Variants in SCML4 observed in about 807,000 individuals in gnomAD.
The protein encoded by SCML4 is sex comb on midleg-like protein 4.
In SCML4, 34 loss-of-function variants were observed where a neutral mutation model predicts 41.1. The observed-to-expected ratio is 0.83, with a 90% confidence interval of 0.63 to 1.10. The LOEUF (loss-of-function observed/expected upper bound fraction) is 1.10, where lower values mean the gene tolerates loss of function less well. Ranked by LOEUF, SCML4 falls within the 50% of genes least tolerant of loss-of-function variation. The pLI, the probability that SCML4 is intolerant of heterozygous loss-of-function variation, is 0.00. For synonymous variants in SCML4, 214 were observed against 220.9 expected, an observed-to-expected ratio of 0.97 and a Z score of 0.28; for missense variants, 522 against 534.1, an observed-to-expected ratio of 0.98 and a Z score of 0.22.
At chr6:107,820,630 A>G (rs1199223758) in intron 1 of SCML4, among the ~76,000 whole-genome samples, 6 of 152,208 alleles carry the variant, frequency 3.9e-5, no homozygotes, top group African/African-American at 9.7e-5. Context: ...AACATGAAGG[A>G]GTGAGCCCTT....
intron 5 of SCML4, among the ~76,000 whole-genome samples, chr6:107,735,036 T>C (rs1776919905): frequency 6.6e-6 from 1 of 152,080 alleles, no homozygotes; most frequent in African/African-American, 2.4e-5. Flanking sequence ...CCACCACACC[T>C]GGCTAAGTTT....
intron 1 of SCML4, among the ~76,000 whole-genome samples, chr6:107,786,843 A>G (rs1781932012): frequency 6.6e-6 from 1 of 152,218 alleles, no homozygotes; most frequent in African/African-American, 2.4e-5. Flanking sequence ...TCCAACAACA[A>G]GGCCACTGCA....
chr6:107,754,321 A>C (rs927817101), intron 2 of SCML4, among the ~76,000 whole-genome samples: 2 of 152,246 alleles, frequency 1.3e-5, no homozygotes, highest in Admixed American at 1.3e-4. Flanking sequence ...AAGAAACCTC[A>C]GTCATGGGAA....
intron 1 of SCML4, among the ~76,000 whole-genome samples, chr6:107,783,994 G>C (rs1781695163): frequency 6.6e-6 from 1 of 152,164 alleles, no homozygotes; most frequent in Admixed American, 6.5e-5. Flanking sequence ...GCTTAGGGGT[G>C]GTTGCAGCTG....
intron 6 of SCML4, among the ~76,000 whole-genome samples, chr6:107,716,665 G>A (rs1756448414): frequency 6.6e-6 from 1 of 152,158 alleles, no homozygotes; most frequent in African/African-American, 2.4e-5. Flanking sequence ...GAGGAAAAAG[G>A]AGGGAGTGAG....
At position 107,720,380 on chromosome 6, in the gene SCML4, T is replaced by C. The variant is rs965537663; in HGVS notation, c.973+323A>G. ...AAAATAGATGGAGCCTATGTCCCTA[T>C]ATTGAGATGCATCCATGAATCAGGA... On this transcript the variant is annotated intron_variant, in intron 6 of 7. Transcript: ENST00000369020. 5.8e-6 allele frequency: 6 copies of C among 1,033,122 alleles called. No individual in the cohort carries two copies. The African/African-American group carries it at 1.0e-4, about 18-fold the overall frequency. 64.0% of individuals were successfully genotyped at this position (1,033,122 alleles called of 1,614,324 possible). A position where few individuals can be genotyped will look rare whatever the true frequency, so the allele number is the denominator to read the frequency against.
intron 5 of SCML4, among the ~76,000 whole-genome samples, chr6:107,727,627 G>A (rs563061700): frequency 1.6e-3 from 251 of 152,342 alleles, no homozygotes; most frequent in African/African-American, 5.8e-3. Flanking sequence ...CAGGACCCTG[G>A]AACGCTACAT....
intron 5 of SCML4, among the ~76,000 whole-genome samples, chr6:107,735,464 T>C (rs1027293789): frequency 1.3e-5 from 2 of 152,018 alleles, no homozygotes; most frequent in African/African-American, 4.8e-5. Context: ...AGTTCTGTTT[T>C]TTTTTCTTCA....
chr6:107,757,007 T>C lies in SCML4; in HGVS notation c.157-7194A>G, dbSNP rs373917468. On this transcript the variant is annotated intron_variant, in intron 2 of 7. Coordinates refer to ENST00000369020, the MANE Select transcript of SCML4 (RefSeq NM_198081.5). ...ATTCAAAACCTCAACCCAGCAGGTG[T>C]GGCGACCCCTCATCCAAGGCAAGGT... is the stretch of plus-strand genomic sequence containing the variant. Among the ~76,000 whole-genome samples, 118 of 152,314 alleles carry C rather than the reference T, an allele frequency of 7.7e-4. 1 individual carries two copies. Among genetic ancestry groups the C allele is most frequent in the Middle Eastern group, 3.4e-3 (1 of 294 alleles).
upstream of SCML4, among the ~76,000 whole-genome samples, chr6:107,825,120 T>C (rs894129461): frequency 6.6e-6 from 1 of 152,248 alleles, no homozygotes; most frequent in East Asian, 1.9e-4. Context: ...CAAATCAATA[T>C]ATATCGGCGA....
upstream of SCML4, among the ~76,000 whole-genome samples, chr6:107,828,353 T>C (rs1282859238): frequency 1.3e-5 from 2 of 152,234 alleles, no homozygotes; most frequent in East Asian, 1.9e-4. Context: ...TGGTCACTTA[T>C]GGCTCTGACA....
At chr6:107,764,722 A>G (rs918255858) in intron 2 of SCML4, among the ~76,000 whole-genome samples, 1 of 152,196 alleles carries the variant, frequency 6.6e-6, no homozygotes, top group Non-Finnish European at 1.5e-5. Flanking sequence ...CCCCACCCAA[A>G]TCTCATCTTG....
chr6:107,818,644 C>G (rs1487659587), intron 1 of SCML4, among the ~76,000 whole-genome samples: 3 of 152,190 alleles, frequency 2.0e-5, no homozygotes, highest in Non-Finnish European at 4.4e-5. Context: ...AATGGTTAGG[C>G]CCAAAGGAAT....
intron 2 of SCML4, among the ~76,000 whole-genome samples, chr6:107,750,859 G>A (rs1031800914): frequency 6.6e-6 from 1 of 152,184 alleles, no homozygotes; most frequent in Non-Finnish European, 1.5e-5. Context: ...ACCACACTTC[G>A]AGTAGCAAGG....
At chr6:107,803,089 C>A (rs1361332321) in intron 1 of SCML4, among the ~76,000 whole-genome samples, 2 of 151,902 alleles carry the variant, frequency 1.3e-5, no homozygotes, top group Admixed American at 6.6e-5. Context: ...GATCTCGGCT[C>A]GCTACAACTT....
intron 2 of SCML4, among the ~76,000 whole-genome samples, chr6:107,759,185 G>T (rs1779363223): frequency 6.6e-6 from 1 of 151,024 alleles, no homozygotes; most frequent in Non-Finnish European, 1.5e-5. Flanking sequence ...AAAAAAACTG[G>T]CTGGGTGTGG....
intron 1 of SCML4, among the ~76,000 whole-genome samples, chr6:107,817,712 C>G (rs1282259790): frequency 6.8e-6 from 1 of 147,584 alleles, no homozygotes; most frequent in South Asian, 2.2e-4. Flanking sequence ...TTCTTCTTTA[C>G]TGGGTTCATG....
the SCML4 span, among the ~76,000 whole-genome samples, chr6:107,832,154 G>A: frequency 5.9e-5 from 9 of 152,220 alleles, no homozygotes; most frequent in South Asian, 1.0e-3. Context: ...CACGAGAATC[G>A]TTTGAACAAG....
chr6:107,761,594 G>A (rs1273358626), intron 2 of SCML4, among the ~76,000 whole-genome samples: 1 of 151,902 alleles, frequency 6.6e-6, no homozygotes, highest in African/African-American at 2.4e-5. Flanking sequence ...GCGCTACCAT[G>A]CCAAGCGAAT....
Sources: gnomAD v4.1 joint callset for allele counts (sites outside exome capture counted in the v4.1 genomes callset) on GRCh38, gnomAD v4.1.1 for gene constraint, MANE v1.5 for transcripts, NCBI Gene and HGNC (gene_info 2026-07-23, HGNC 2026-07-21) for gene names.